The following DOCK5 variants were observed in gnomAD, a reference collection of about 807,000 sequenced individuals.
The protein encoded by DOCK5 is dedicator of cytokinesis 5.
In DOCK5, 142 loss-of-function variants were observed where a neutral mutation model predicts 251.8. The observed-to-expected ratio is 0.56, with a 90% CI of 0.49 to 0.65. The LOEUF is 0.65. Among genes scored for constraint, DOCK5 ranks in the 30% least tolerant of loss-of-function variants. DOCK5 has a pLI of 0.00. For missense variants in DOCK5, 2,111 were observed against 2,312.3 expected, an observed-to-expected ratio of 0.91 and a Z score of 1.79; for synonymous variants, 842 against 835.5, an observed-to-expected ratio of 1.01 and a Z score of -0.13.
intron 10 of DOCK5, among the ~76,000 whole-genome samples, chr8:25,303,191 C>T (rs1029633470): frequency 1.3e-5 from 2 of 152,170 alleles, no homozygotes; most frequent in African/African-American, 2.4e-5. Context: ...GTATCAGACA[C>T]GCAGCATTTA....
chr8:25,370,765 CT>C (rs1487266481), intron 34 of DOCK5, among the ~76,000 whole-genome samples: 2 of 152,032 alleles, frequency 1.3e-5, no homozygotes, highest in Non-Finnish European at 2.9e-5. Flanking sequence ...TTCAGCCTCC[CT>C]AGTAGCTAGG....
At position 25,412,197 on chromosome 8, in the gene DOCK5, A is replaced by C. The variant is rs1801644326; in HGVS notation, c.*899A>C. On this transcript the variant is annotated 3_prime_UTR_variant, in exon 52 of 52. Coordinates refer to ENST00000276440, the MANE Select transcript of DOCK5 (RefSeq NM_024940.8). ...TTTCTAAAACCCATTTGGGTGACTC[A>C]GCAGCCGCATCTGCTACCTGATTTT... The C allele has an allele frequency of 1.4e-5, 2 of 147,862 alleles. No individual in the cohort carries two copies. Among genetic ancestry groups the C allele is most frequent in the Non-Finnish European group, 3.0e-5 (2 of 67,628 alleles). The allele number at this position is 147,862 out of a possible 1,614,324, so 9.2% of individuals were successfully genotyped here. A position where few individuals can be genotyped will look rare whatever the true frequency, so the allele number is the denominator to read the frequency against.
chr8:25,411,352 C>T lies in DOCK5; in HGVS notation c.*54C>T, dbSNP rs892471786. ...GCCTTAGACAGCTGCTGCCTGAGAA[C>T]TGGCCTCCAGCCGGTGTCCTCATTC... On this transcript the variant is annotated 3_prime_UTR_variant, in exon 52 of 52. Coordinates refer to ENST00000276440, the MANE Select transcript of DOCK5 (RefSeq NM_024940.8). The T allele has an allele frequency of 1.5e-5, 21 of 1,380,776 alleles. No homozygotes were observed. In the East Asian group the frequency reaches 5.6e-4, roughly 37 times the overall value. 85.5% of individuals were successfully genotyped at this position (1,380,776 alleles called of 1,614,324 possible).
rs1800914280 is a variant in DOCK5 at position 25,373,648 on chromosome 8, A to G, written c.3715A>G (p.Ile1239Val). 3 of 1,595,984 alleles carry G rather than the reference A, an allele frequency of 1.9e-6. No homozygotes were observed. The highest frequency in any genetic ancestry group is 2.6e-6 in the Non-Finnish European group (3 of 1,170,992). ...NFYKEKKREDIYIRYLYKLRD... is the reference protein window; with the variant it reads ...NFYKEKKREDVYIRYLYKLRD... ...TTATAAAGAAAAGAAGAGAGAGGAC[A>G]TATACATAAGGTAAGCTGAAGGAAA... Residue 1239 changes from isoleucine (I) to valine (V), a missense_variant, in exon 36 of 52, where the codon ATA becomes GTA. By Grantham distance (29) the Ile-to-Val change is conservative. This residue lies in a region of DOCK5 where 1,717 missense variants were observed against 1,892.4 expected (regional missense o/e 0.91). Transcript: ENST00000276440.
At chr8:25,356,401 C>G (rs887892565) in intron 27 of DOCK5, among the ~76,000 whole-genome samples, 1 of 152,102 alleles carries the variant, frequency 6.6e-6, no homozygotes, top group Non-Finnish European at 1.5e-5. Flanking sequence ...TGCGGTGGCT[C>G]ATGCCTGTGA....
chr8:25,399,074 G>A (rs779189295), intron 45 of DOCK5, among the ~76,000 whole-genome samples: 45 of 152,136 alleles, frequency 3.0e-4, no homozygotes, highest in African/African-American at 4.1e-4. Context: ...GCTGGTCTTC[G>A]AAAGCACTTT....
In DOCK5 at chr8:25,376,051, A is replaced by G. The variant is rs1800956950; in HGVS notation, c.3817-1254A>G. On this transcript the variant is annotated intron_variant, in intron 37 of 51. Coordinates refer to ENST00000276440, the MANE Select transcript of DOCK5 (RefSeq NM_024940.8). ...AGGCGGAGGTTTGCAGTATGCTGAGATGGTGCCACCATACTCCAGCCTGGG... is the reference window on the plus strand; with the variant it reads ...AGGCGGAGGTTTGCAGTATGCTGAGGTGGTGCCACCATACTCCAGCCTGGG... 6 of 957,320 alleles carry G rather than the reference A, an allele frequency of 6.3e-6. No homozygotes were observed. In the African/African-American group the frequency reaches 9.1e-5, roughly 14 times the overall value. The allele number at this position is 957,320 out of a possible 1,614,324, so 59.3% of individuals were successfully genotyped here.
At chr8:25,206,336 A>T (rs1441591914) in intron 1 of DOCK5, among the ~76,000 whole-genome samples, 2 of 152,106 alleles carry the variant, frequency 1.3e-5, no homozygotes, top group Non-Finnish European at 2.9e-5. Flanking sequence ...ATGCTGCAAT[A>T]GTGTGCTGGT....
At chr8:25,298,272 A>G (rs1263708173) in intron 7 of DOCK5, among the ~76,000 whole-genome samples, 2 of 152,110 alleles carry the variant, frequency 1.3e-5, no homozygotes, top group Non-Finnish European at 2.9e-5. Context: ...CCTGAAGGTA[A>G]AGCCTTTCTA....
At chr8:25,230,259 C>T (rs542119930) in intron 1 of DOCK5, among the ~76,000 whole-genome samples, 2 of 152,206 alleles carry the variant, frequency 1.3e-5, no homozygotes, top group South Asian at 4.1e-4. Flanking sequence ...CCAGGAGCAC[C>T]AGTGGTATCT....
intron 34 of DOCK5, among the ~76,000 whole-genome samples, chr8:25,371,417 G>A (rs1245812264): frequency 6.6e-6 from 1 of 152,066 alleles, no homozygotes; most frequent in Admixed American, 6.6e-5. Flanking sequence ...GCAGTGAACT[G>A]AGATTGCACC....
intron 1 of DOCK5, among the ~76,000 whole-genome samples, chr8:25,205,817 T>C (rs1403136045): frequency 6.6e-6 from 1 of 152,198 alleles, no homozygotes; most frequent in Non-Finnish European, 1.5e-5. Flanking sequence ...TCACCAGGTA[T>C]CTGAGTAGGA....
rs1801388510 is a variant in DOCK5, at chr8:25,184,849, C to A, written c.-60C>A. On this transcript the variant is annotated 5_prime_UTR_variant, in exon 1 of 52. Transcript: ENST00000276440. ...ACGCAGGAGCGCGGGGCGGCGGCGG[C>A]CGGAGCCCGAGGAGCTGTAGCAGCC... 3.1e-6 allele frequency: 4 copies of A among 1,276,232 alleles called. No homozygotes were observed. Among genetic ancestry groups the A allele is most frequent in the Non-Finnish European group, 4.0e-6 (4 of 1,003,788 alleles). 79.1% of individuals were successfully genotyped at this position (1,276,232 alleles called of 1,614,324 possible). A position where few individuals can be genotyped will look rare whatever the true frequency, so the allele number is the denominator to read the frequency against.
Position 25,376,428 on chromosome 8 carries a change from G to A in DOCK5, c.3817-877G>A, listed in dbSNP as rs1210866928. On this transcript the variant is annotated intron_variant, in intron 37 of 51. Transcript: ENST00000276440. Reference sequence around the variant, plus strand: ...GGGAATCTCTTTCTAGATTGTATATGCTTTTACGTGGGTCTCTGTCTGTTC... The same window carrying A: ...GGGAATCTCTTTCTAGATTGTATATACTTTTACGTGGGTCTCTGTCTGTTC... The A allele has an allele frequency of 3.2e-6, 3 of 941,274 alleles. No homozygotes were observed. The African/African-American group carries it at 5.3e-5, about 17-fold the overall frequency. The allele number at this position is 941,274 out of a possible 1,614,324, so 58.3% of individuals were successfully genotyped here.
chr8:25,384,451 A>T lies in DOCK5; in HGVS notation c.4131+1673A>T, dbSNP rs1218266184. On this transcript the variant is annotated intron_variant, in intron 40 of 51. Coordinates refer to ENST00000276440, the MANE Select transcript of DOCK5 (RefSeq NM_024940.8). ...TATTATTTTATTTATTTATTTATTTATTTATTTATTTATTTTTTTTTTTTT... is the reference window on the plus strand; with the variant it reads ...TATTATTTTATTTATTTATTTATTTTTTTATTTATTTATTTTTTTTTTTTT... Among the ~76,000 whole-genome samples, 75 of 26,540 alleles carry T rather than the reference A, an allele frequency of 2.8e-3. 1 individual carries two copies. The highest frequency in any genetic ancestry group is 3.8e-3 in the Admixed American group (6 of 1,562). The allele number at this position is 26,540 out of a possible 152,430, so 17.4% of individuals were successfully genotyped here.
At chr8:25,395,917 C>CA (rs3834876) in intron 45 of DOCK5, 198 bp downstream of exon 45, 40,981 of 709,196 alleles carry the variant, frequency 0.058, 1,557 homozygotes, top group South Asian at 0.096. Flanking sequence ...TGGTATAGAA[C>CA]TTACCTAGTA....
intron 18 of DOCK5, among the ~76,000 whole-genome samples, chr8:25,325,771 A>G (rs1805549662): frequency 6.6e-6 from 1 of 152,208 alleles, no homozygotes; most frequent in African/African-American, 2.4e-5. Context: ...CAGGATGAAA[A>G]ACATTTTAGT....
intron 1 of DOCK5, among the ~76,000 whole-genome samples, chr8:25,241,899 A>G (rs1264635341): frequency 1.3e-5 from 2 of 152,056 alleles, no homozygotes; most frequent in Non-Finnish European, 2.9e-5. Context: ...AAAGTAACAC[A>G]GGAACAGAAA....
chr8:25,308,691 T>A, intron 11 of DOCK5, 92 bp from the exon 12 acceptor site: 1 of 1,403,606 alleles, frequency 7.1e-7, no homozygotes. Context: ...TATCTCCAAA[T>A]TATTCCTATA....
Sources: allele counts gnomAD v4.1 joint callset (sites outside exome capture counted in the v4.1 genomes callset), GRCh38; gene constraint gnomAD v4.1.1; regional missense constraint gnomAD v4.1.1; transcripts MANE v1.5; gene names NCBI Gene and HGNC (gene_info 2026-07-23, HGNC 2026-07-21).